Variants in TENM3 observed in about 807,000 individuals in gnomAD.
The protein encoded by TENM3 is teneurin transmembrane protein 3, also known as teneurin-3.
In TENM3, 63 loss-of-function variants were observed where a neutral mutation model predicts 255.1. That is an observed-to-expected ratio of 0.25 (90% CI 0.20 to 0.30). The LOEUF (loss-of-function observed/expected upper bound fraction) is 0.30, where lower values mean the gene tolerates loss of function less well. Among genes scored for constraint, TENM3 ranks in the 10% least tolerant of loss-of-function variants. The pLI, the probability that TENM3 is intolerant of heterozygous loss-of-function variation, is 1.00. For missense variants in TENM3, 2,929 were observed against 3,461.1 expected, an observed-to-expected ratio of 0.85 and a Z score of 3.86; for synonymous variants, 1,306 against 1,322.3, an observed-to-expected ratio of 0.99 and a Z score of 0.27.
rs567097208 is a variant in TENM3 at position 182,318,440 on chromosome 4, G to A, written c.-75-5506G>A. ...ACATGTTATAAAACAATGTAATGAT[G>A]TCATTACATCATTACATTACGAAAC... On this transcript the variant is annotated intron_variant, in intron 1 of 27. Transcript: ENST00000511685. Among the ~76,000 whole-genome samples, 22 of 152,204 alleles carry A rather than the reference G, an allele frequency of 1.4e-4. No homozygotes were observed. The East Asian group carries it at 4.3e-3, about 29-fold the overall frequency.
the TENM3 span, among the ~76,000 whole-genome samples, chr4:182,072,595 A>G: frequency 6.6e-6 from 1 of 152,240 alleles, no homozygotes; most frequent in African/African-American, 2.4e-5. Context: ...TCTAGGCATA[A>G]TCAGATATCT....
At chr4:181,804,390 T>C in the TENM3 span, among the ~76,000 whole-genome samples, 1 of 152,306 alleles carries the variant, frequency 6.6e-6, no homozygotes, top group South Asian at 2.1e-4. Context: ...TAAAATCTGC[T>C]CTATCCAGCC....
the TENM3 span, among the ~76,000 whole-genome samples, chr4:181,542,537 T>C: frequency 1.3e-5 from 2 of 152,154 alleles, no homozygotes; most frequent in African/African-American, 2.4e-5. Flanking sequence ...ATGGGTAGCT[T>C]AGATTAGGCA....
rs3749509 is a variant in TENM3 at position 182,673,047 on chromosome 4, C to G, written c.1154C>G (p.Ser385Cys). Reference sequence around the variant, plus strand: ...ACGCAAGAAAATAACACCATAGATTCCGGAGAACTTGATATTGGCCGAAGA... The same window carrying G: ...ACGCAAGAAAATAACACCATAGATTGCGGAGAACTTGATATTGGCCGAAGA... ...GFTQENNTID[S>C]GELDIGRRAI... is the part of the protein sequence containing the mutation. The change falls in exon 7 of 28, where the codon TCC becomes TGC. Residue 385 changes from serine to cysteine, a missense_variant. This residue lies in a region of TENM3 where 1,608 missense variants were observed against 1,884.4 expected (regional missense o/e 0.85). Coordinates refer to ENST00000511685, the MANE Select transcript of TENM3 (RefSeq NM_001080477.4). The G allele has an allele frequency of 1.3e-4, 210 of 1,604,966 alleles. 2 individuals carry two copies. In the East Asian group the frequency reaches 4.6e-3, roughly 35 times the overall value.
At chr4:182,256,702 T>C (rs951687543) in intron 1 of TENM3, among the ~76,000 whole-genome samples, 4 of 152,222 alleles carry the variant, frequency 2.6e-5, no homozygotes, top group Non-Finnish European at 4.4e-5. Flanking sequence ...TTATGGATTT[T>C]ATTTCAGATG....
chr4:182,495,644 T>C (rs1038054366), intron 3 of TENM3, among the ~76,000 whole-genome samples: 2 of 152,148 alleles, frequency 1.3e-5, no homozygotes, highest in African/African-American at 4.8e-5. Context: ...TTTCAAGATT[T>C]CCCCCCGTAG....
intron 5 of TENM3, among the ~76,000 whole-genome samples, chr4:182,644,388 A>G (rs1463215556): frequency 6.6e-6 from 1 of 152,232 alleles, no homozygotes; most frequent in Non-Finnish European, 1.5e-5. Flanking sequence ...ACTTGGTGGT[A>G]TATAATTTTC....
chr4:182,298,071 C>G (rs144473345), intron 1 of TENM3, among the ~76,000 whole-genome samples: 24 of 152,304 alleles, frequency 1.6e-4, no homozygotes, highest in Non-Finnish European at 2.9e-4. Context: ...GAGCATCATC[C>G]CCATCCCGGC....
At chr4:181,448,629 G>A in the TENM3 span, among the ~76,000 whole-genome samples, 1 of 152,180 alleles carries the variant, frequency 6.6e-6, no homozygotes, top group Non-Finnish European at 1.5e-5. Context: ...ATATTAGTGA[G>A]ATTGTTAAAT....
chr4:182,075,142 G>A, the TENM3 span, among the ~76,000 whole-genome samples: 6 of 151,800 alleles, frequency 4.0e-5, no homozygotes, highest in Non-Finnish European at 5.9e-5. Context: ...TTTCTCAGAC[G>A]TGGCAGAGTG....
the TENM3 span, among the ~76,000 whole-genome samples, chr4:181,754,284 TCACACACACACACA>T: frequency 4.8e-5 from 7 of 144,514 alleles, no homozygotes; most frequent in South Asian, 2.3e-4. Context: ...TATATCCCAG[TCACACACACACACA>T]CACACACACA....
intron 3 of TENM3, among the ~76,000 whole-genome samples, chr4:182,355,350 G>A (rs1044414814): frequency 2.0e-5 from 3 of 152,136 alleles, no homozygotes; most frequent in African/African-American, 7.2e-5. Context: ...GGATTTGCAC[G>A]TTTTCCTGCA....
At chr4:182,279,623 T>C (rs1461770381) in intron 1 of TENM3, among the ~76,000 whole-genome samples, 1 of 152,204 alleles carries the variant, frequency 6.6e-6, no homozygotes, top group African/African-American at 2.4e-5. Flanking sequence ...AGGATGTAGG[T>C]CATGCTCATG....
intron 1 of TENM3, among the ~76,000 whole-genome samples, chr4:182,263,030 C>G (rs936050473): frequency 4.4e-4 from 67 of 152,094 alleles, no homozygotes; most frequent in Non-Finnish European, 4.1e-4. Context: ...GCCCTGAATT[C>G]TTTCTTGCGC....
At chr4:182,578,537 A>G (rs948878886) in intron 3 of TENM3, among the ~76,000 whole-genome samples, 1 of 152,158 alleles carries the variant, frequency 6.6e-6, no homozygotes, top group Non-Finnish European at 1.5e-5. Context: ...AACCAATACT[A>G]CATGAGTCTC....
chr4:181,805,437 T>C, the TENM3 span, among the ~76,000 whole-genome samples: 1 of 152,082 alleles, frequency 6.6e-6, no homozygotes, highest in Admixed American at 6.6e-5. Flanking sequence ...AGAGCCCCCA[T>C]TCTTTTGCCT....
At chr4:181,642,814 T>A in the TENM3 span, among the ~76,000 whole-genome samples, 1 of 152,192 alleles carries the variant, frequency 6.6e-6, no homozygotes, top group Admixed American at 6.5e-5. Flanking sequence ...CAGATGGTTG[T>A]AGATGTGCGG....
the TENM3 span, among the ~76,000 whole-genome samples, chr4:181,608,114 A>C: frequency 6.6e-6 from 1 of 152,328 alleles, no homozygotes; most frequent in South Asian, 2.1e-4. Context: ...TAAGCTATTT[A>C]GATTTTACAA....
chr4:181,802,051 A>T, the TENM3 span, among the ~76,000 whole-genome samples: 2 of 152,164 alleles, frequency 1.3e-5, no homozygotes, highest in African/African-American at 2.4e-5. Context: ...TTTTGATGGT[A>T]TGTACATGCT....
Sources: gnomAD v4.1 joint callset for allele counts (sites outside exome capture counted in the v4.1 genomes callset) on GRCh38, gnomAD v4.1.1 for gene constraint, gnomAD v4.1.1 regional missense constraint, MANE v1.5 for transcripts, NCBI Gene and HGNC (gene_info 2026-07-23, HGNC 2026-07-21) for gene names.